The following HTR7 variants were observed in gnomAD, a reference collection of about 807,000 sequenced individuals.
The protein encoded by HTR7 is 5-HT-7.
In HTR7, 16 loss-of-function variants were observed where a neutral mutation model predicts 34.0. The observed-to-expected ratio is 0.47, with a 90% CI of 0.32 to 0.71. HTR7 has a LOEUF of 0.71. Ranked by LOEUF, HTR7 falls within the 30% of genes least tolerant of loss-of-function variation. The probability of loss-of-function intolerance (pLI) is 0.04; values close to 1 mark genes in which losing one functional copy is unlikely to be tolerated. For missense variants in HTR7, 504 were observed against 625.5 expected, an observed-to-expected ratio of 0.81 and a Z score of 2.07; for synonymous variants, 265 against 260.2, an observed-to-expected ratio of 1.02 and a Z score of -0.18.
intron 1 of HTR7, among the ~76,000 whole-genome samples, chr10:90,786,267 C>T (rs1845379277): frequency 6.6e-6 from 1 of 152,222 alleles, no homozygotes; most frequent in Non-Finnish European, 1.5e-5. Flanking sequence ...CACGGCAGGC[C>T]TTGGCTAAGG....
At chr10:90,838,974 C>T (rs557694555) in intron 1 of HTR7, among the ~76,000 whole-genome samples, 4 of 152,276 alleles carry the variant, frequency 2.6e-5, no homozygotes, top group Admixed American at 1.3e-4. Flanking sequence ...TCCTAGAGAG[C>T]AAAGGTGTTA....
At chr10:90,831,239 T>TA (rs1344714657) in intron 1 of HTR7, among the ~76,000 whole-genome samples, 2 of 152,192 alleles carry the variant, frequency 1.3e-5, no homozygotes, top group Non-Finnish European at 2.9e-5. Context: ...CCGTGAGTGT[T>TA]ACAGTTCTTA....
chr10:90,851,594 G>C (rs1411982586), intron 1 of HTR7, among the ~76,000 whole-genome samples: 1 of 107,618 alleles, frequency 9.3e-6, no homozygotes, highest in African/African-American at 3.9e-5. Flanking sequence ...GACAGAGTGA[G>C]ACTCCGTCCC....
intron 1 of HTR7, among the ~76,000 whole-genome samples, chr10:90,800,064 C>T (rs1345956198): frequency 6.6e-6 from 1 of 152,070 alleles, no homozygotes; most frequent in Non-Finnish European, 1.5e-5. Flanking sequence ...TAAGATAACA[C>T]CATTAATAAG....
intron 1 of HTR7, among the ~76,000 whole-genome samples, chr10:90,825,035 A>G (rs1473818624): frequency 6.6e-6 from 1 of 152,228 alleles, no homozygotes; most frequent in Non-Finnish European, 1.5e-5. Flanking sequence ...GGCAAGACTC[A>G]GTGTTTTGAC....
chr10:90,756,134 CA>C (rs1844829974), intron 1 of HTR7, among the ~76,000 whole-genome samples: 1 of 152,154 alleles, frequency 6.6e-6, no homozygotes, highest in South Asian at 2.1e-4. Flanking sequence ...ACATACTATT[CA>C]AAACCAGGCA....
chr10:90,758,404 G>C (rs1844873174), intron 1 of HTR7, among the ~76,000 whole-genome samples: 1 of 148,466 alleles, frequency 6.7e-6, no homozygotes, highest in Non-Finnish European at 1.5e-5. Flanking sequence ...GCAAATCAAT[G>C]GCATGAAGTA....
intron 1 of HTR7, among the ~76,000 whole-genome samples, chr10:90,856,207 TG>T (rs539376084): frequency 8.7e-4 from 133 of 152,334 alleles, no homozygotes; most frequent in Non-Finnish European, 1.7e-3. Context: ...GGCAAAATTC[TG>T]AGTGTGAATA....
chr10:90,805,672 G>A (rs1845693951), intron 1 of HTR7, among the ~76,000 whole-genome samples: 1 of 152,176 alleles, frequency 6.6e-6, no homozygotes. Context: ...TAAATTAGGG[G>A]AGAGAAATTT....
intron 1 of HTR7, among the ~76,000 whole-genome samples, chr10:90,780,682 G>A (rs1845294943): frequency 6.6e-6 from 1 of 152,102 alleles, no homozygotes; most frequent in South Asian, 2.1e-4. Context: ...AACACCACAG[G>A]GCAGTGGAAC....
chr10:90,817,569 C>G (rs1427074261), intron 1 of HTR7, among the ~76,000 whole-genome samples: 2 of 152,204 alleles, frequency 1.3e-5, no homozygotes, highest in Non-Finnish European at 2.9e-5. Context: ...TGTCTCACTG[C>G]TGCCCCATCC....
At chr10:90,845,135 C>T (rs1043255841) in intron 1 of HTR7, among the ~76,000 whole-genome samples, 11 of 152,114 alleles carry the variant, frequency 7.2e-5, no homozygotes, top group African/African-American at 2.2e-4. Flanking sequence ...GTTTCAAAAA[C>T]GATACTCAAA....
intron 1 of HTR7, among the ~76,000 whole-genome samples, chr10:90,789,965 C>T (rs2119876815): frequency 6.6e-6 from 1 of 152,218 alleles, no homozygotes. Flanking sequence ...TCATTCATTT[C>T]ATTATTTCAT....
At chr10:90,767,379 T>C (rs553915340) in intron 1 of HTR7, among the ~76,000 whole-genome samples, 1 of 152,356 alleles carries the variant, frequency 6.6e-6, no homozygotes, top group East Asian at 1.9e-4. Context: ...GATTCAACCA[T>C]ATTCAATTTC....
intron 1 of HTR7, among the ~76,000 whole-genome samples, chr10:90,784,803 T>A (rs1416943230): frequency 6.6e-6 from 1 of 152,210 alleles, no homozygotes; most frequent in Non-Finnish European, 1.5e-5. Flanking sequence ...CAATGTGTAA[T>A]AGCTGACCAC....
intron 1 of HTR7, among the ~76,000 whole-genome samples, chr10:90,788,196 T>C (rs147081669): frequency 6.6e-6 from 1 of 152,254 alleles, no homozygotes; most frequent in African/African-American, 2.4e-5. Flanking sequence ...AACATCTTCA[T>C]GTAGGTGCTT....
chr10:90,755,020 A>C (rs1844814451), intron 1 of HTR7, among the ~76,000 whole-genome samples: 1 of 152,198 alleles, frequency 6.6e-6, no homozygotes, highest in African/African-American at 2.4e-5. Flanking sequence ...GCAGATTCCC[A>C]AGCCACTATT....
chr10:90,757,833 A>G (rs1003926197), intron 1 of HTR7, among the ~76,000 whole-genome samples: 3 of 152,252 alleles, frequency 2.0e-5, no homozygotes, highest in Non-Finnish European at 4.4e-5. Context: ...CCAAGTCAAA[A>G]GGCAAACATA....
intron 2 of HTR7, among the ~76,000 whole-genome samples, chr10:90,745,598 C>A (rs1844620739): frequency 2.0e-5 from 3 of 152,196 alleles, no homozygotes; most frequent in Admixed American, 1.3e-4. Context: ...CAATGCATGG[C>A]AGCCATATTA....
Sources: gnomAD v4.1 joint callset for allele counts (sites outside exome capture counted in the v4.1 genomes callset) on GRCh38, gnomAD v4.1.1 for gene constraint, MANE v1.5 for transcripts, NCBI Gene and HGNC (gene_info 2026-07-23, HGNC 2026-07-21) for gene names.